The following CD160 variants were observed in gnomAD, a reference collection of about 807,000 sequenced individuals.
CD160 encodes the protein CD160 antigen.
In CD160, 11 loss-of-function variants were observed where a neutral mutation model predicts 19.2. That is an observed-to-expected ratio of 0.57 (90% CI 0.36 to 0.95). The LOEUF is 0.95. Among genes scored for constraint, CD160 ranks in the 40% least tolerant of loss-of-function variants. The pLI is 0.01. For missense variants in CD160, 182 were observed against 213.2 expected, an observed-to-expected ratio of 0.85 and a Z score of 0.91; for synonymous variants, 75 against 81.1, an observed-to-expected ratio of 0.93 and a Z score of 0.40.
At chr1:145,720,514 G>T (rs1306548799) in intron 1 of CD160, among the ~76,000 whole-genome samples, 4 of 152,184 alleles carry the variant, frequency 2.6e-5, no homozygotes, top group Non-Finnish European at 5.9e-5. Context: ...GGCAGTTGGG[G>T]TTGTGGAGAT....
chr1:145,723,467 T>C (rs999728846), intron 1 of CD160, among the ~76,000 whole-genome samples: 30 of 152,216 alleles, frequency 2.0e-4, no homozygotes, highest in African/African-American at 3.9e-4. Flanking sequence ...ATTGTATGTA[T>C]ATACACTAAT....
At chr1:145,722,758 A>C (rs1553707977) in intron 1 of CD160, among the ~76,000 whole-genome samples, 1 of 151,768 alleles carries the variant, frequency 6.6e-6, no homozygotes, top group Non-Finnish European at 1.5e-5. Flanking sequence ...CGCCCGGCTA[A>C]TTTTTTGTAT....
Position 145,728,732 on chromosome 1 carries a change from C to A in CD160, c.73+332C>A, listed in dbSNP as rs1448947230. On this transcript the variant is annotated intron_variant, in intron 3 of 5. Coordinates refer to ENST00000369288, the MANE Select transcript of CD160 (RefSeq NM_007053.4). ...TTGGTCAGGCTGGCCTCGAACTCTG[C>A]CTGACCTCAGGTGATCCTCAGGCGC... is the stretch of plus-strand genomic sequence containing the variant. 1.1e-4 allele frequency among the ~76,000 whole-genome samples: 16 copies of A among 151,924 alleles called. 1 individual carries two copies. The highest frequency in any genetic ancestry group is 1.1e-3 in the Admixed American group (16 of 15,226).
rs587660151 is a variant in CD160, at chr1:145,728,513, T to C, written c.73+113T>C. ...GAAACAAAGGACTCTTTTTTTTTTT[T>C]TTTTTTTTTTGAGGGAGTCTCGCTC... On this transcript the variant is annotated intron_variant, in intron 3 of 5. Coordinates refer to ENST00000369288, the MANE Select transcript of CD160 (RefSeq NM_007053.4). 610 of 679,884 alleles carry C rather than the reference T, an allele frequency of 9.0e-4. 6 individuals carry two copies. The African/African-American group carries it at 9.6e-3, about 11-fold the overall frequency. The allele number at this position is 679,884 out of a possible 1,614,324, so 42.1% of individuals were successfully genotyped here.
chr1:145,730,133 G>A (rs1302749486), intron 3 of CD160, among the ~76,000 whole-genome samples: 2 of 152,104 alleles, frequency 1.3e-5, no homozygotes, highest in African/African-American at 4.8e-5. Flanking sequence ...GACTAGCCTG[G>A]ACAACATAGT....
chr1:145,730,831 A>AGG lies in CD160; in HGVS notation c.164_165dup (p.Phe56GlyfsTer3). 1 of 1,614,164 alleles carries AGG rather than the reference A, an allele frequency of 6.2e-7. No individual in the cohort carries two copies. Among genetic ancestry groups the AGG allele is most frequent in the Non-Finnish European group, 8.5e-7 (1 of 1,180,000 alleles). ...GTATGGCATAAGAAAGAAGAGGCTG[A>AGG]GGGGTTTGTAGTGTTTTTGTGCAAG... On this transcript the variant is annotated frameshift_variant, in exon 4 of 6. Coordinates refer to ENST00000369288, the MANE Select transcript of CD160 (RefSeq NM_007053.4). LOFTEE classifies it high-confidence loss of function.
Position 145,738,250 on chromosome 1 carries a change from C to T in CD160, c.539-236C>T, listed in dbSNP as rs143528836. 2.2e-3 allele frequency: 751 copies of T among 337,746 alleles called. 6 individuals are homozygous for T. Among genetic ancestry groups the T allele is most frequent in the African/African-American group, 0.012 (561 of 47,246 alleles). The allele number at this position is 337,746 out of a possible 1,614,324, so 20.9% of individuals were successfully genotyped here. A position where few individuals can be genotyped will look rare whatever the true frequency, so the allele number is the denominator to read the frequency against. On this transcript the variant is annotated intron_variant, in intron 5 of 5. Coordinates refer to ENST00000369288, the MANE Select transcript of CD160 (RefSeq NM_007053.4). ...TTTGATTGTTCCTTCCAGCAAGGAG[C>T]GATCAAAGGCTAGCCCCCTTCCCAC...
intron 1 of CD160, among the ~76,000 whole-genome samples, chr1:145,722,344 C>T (rs1025679831): frequency 1.3e-5 from 2 of 152,016 alleles, no homozygotes; most frequent in Non-Finnish European, 2.9e-5. Context: ...GAAACTTGCC[C>T]AATATTACAC....
chr1:145,725,331 G>A (rs1657016443), intron 2 of CD160, among the ~76,000 whole-genome samples: 1 of 151,636 alleles, frequency 6.6e-6, no homozygotes, highest in African/African-American at 2.4e-5. Context: ...TGTAATCCCA[G>A]ATACTCGGCA....
At chr1:145,729,247 T>TA (rs1657185290) in intron 3 of CD160, among the ~76,000 whole-genome samples, 1 of 152,154 alleles carries the variant, frequency 6.6e-6, no homozygotes, top group Admixed American at 6.5e-5. Flanking sequence ...TGGCATTCAA[T>TA]ATGCAGGGGG....
At chr1:145,727,107 T>C (rs1553708490) in intron 2 of CD160, among the ~76,000 whole-genome samples, 1 of 152,172 alleles carries the variant, frequency 6.6e-6, no homozygotes, top group Non-Finnish European at 1.5e-5. Context: ...GTGAATGTAA[T>C]TACCACTTCA....
rs1412465926 is a variant in CD160 at position 145,733,343 on chromosome 1, C to T, written c.400+2273C>T. Among the ~76,000 whole-genome samples the T allele has an allele frequency of 3.3e-5, 5 of 152,066 alleles. No homozygotes were observed. The East Asian group carries it at 7.7e-4, about 23-fold the overall frequency. On this transcript the variant is annotated intron_variant, in intron 4 of 5. Transcript: ENST00000369288. ...TAGTTGAGACGGGGTTTTGCCATGA[C>T]GGCCAGGCTGGTCTCAAACTCCTGA...
rs1559093516 is a variant in CD160, at chr1:145,730,965, A to G, written c.295A>G (p.Ile99Val). 1 of 1,614,206 alleles carries G rather than the reference A, an allele frequency of 6.2e-7. No individual in the cohort carries two copies. Residue 99 changes from isoleucine (I) to valine (V), a missense_variant, in exon 4 of 6, where the codon ATA becomes GTA. By Grantham distance (29) the Ile-to-Val change is conservative. Coordinates refer to ENST00000369288, the MANE Select transcript of CD160 (RefSeq NM_007053.4). Reference protein sequence around the residue: ...GEISSQLMFTISQVTPLHSGT... With the variant: ...GEISSQLMFTVSQVTPLHSGT... ...AATATCATCTCAGTTGATGTTCACC[A>G]TAAGCCAAGTCACACCGTTGCACAG...
In CD160 at chr1:145,738,686, A is replaced by C. The variant is rs1657594776; in HGVS notation, c.*193A>C. 4 of 395,832 alleles carry C rather than the reference A, an allele frequency of 1.0e-5. No individual in the cohort carries two copies. The Admixed American group carries it at 1.8e-4, about 18-fold the overall frequency. The allele number at this position is 395,832 out of a possible 1,614,324, so 24.5% of individuals were successfully genotyped here. A position where few individuals can be genotyped will look rare whatever the true frequency, so the allele number is the denominator to read the frequency against. Reference sequence around the variant, plus strand: ...GTAATCCTTGACTTTGCTCCTCACCATCAGGGCAAACTTGCCTTCTTCCCT... The same window carrying C: ...GTAATCCTTGACTTTGCTCCTCACCCTCAGGGCAAACTTGCCTTCTTCCCT... On this transcript the variant is annotated 3_prime_UTR_variant, in exon 6 of 6. Coordinates refer to ENST00000369288, the MANE Select transcript of CD160 (RefSeq NM_007053.4).
chr1:145,720,137 TAC>T (rs782019584), intron 1 of CD160, among the ~76,000 whole-genome samples: 2 of 152,242 alleles, frequency 1.3e-5, no homozygotes, highest in Non-Finnish European at 2.9e-5. Context: ...CAAATCTCAT[TAC>T]AGTTTTTATA....
intron 3 of CD160, 108 bp downstream of exon 3, chr1:145,728,508 T>A: frequency 3.1e-5 from 19 of 616,872 alleles, no homozygotes; most frequent in Non-Finnish European, 4.7e-5. Context: ...ACTCTTTTTT[T>A]TTTTTTTTTT....
At chr1:145,736,450 C>T (rs3766526) in intron 5 of CD160, 9,279 of 455,406 alleles carry the variant, frequency 0.02, 386 homozygotes, top group East Asian at 0.18. Context: ...GTTGAAGCAA[C>T]AGATTTTCAG....
At chr1:145,726,776 A>T (rs1553708456) in intron 2 of CD160, among the ~76,000 whole-genome samples, 1 of 152,230 alleles carries the variant, frequency 6.6e-6, no homozygotes, top group Non-Finnish European at 1.5e-5. Flanking sequence ...CAATAGTGAA[A>T]AAATATGAAT....
chr1:145,720,769 T>A (rs1419564298), intron 1 of CD160, among the ~76,000 whole-genome samples: 1 of 152,108 alleles, frequency 6.6e-6, no homozygotes, highest in African/African-American at 2.4e-5. Flanking sequence ...CACATTCCTA[T>A]GAGGTAGTTT....
Sources: gnomAD v4.1 joint callset for allele counts (sites outside exome capture counted in the v4.1 genomes callset) on GRCh38, gnomAD v4.1.1 for gene constraint, MANE v1.5 for transcripts, NCBI Gene and HGNC (gene_info 2026-07-23, HGNC 2026-07-21) for gene names.